WWOX: variants seen among roughly 807,000 people sequenced by gnomAD.
WWOX encodes the protein WW domain containing oxidoreductase.
A neutral mutation model predicts 46.2 loss-of-function variants in WWOX; 69 were observed. The ratio of observed to expected loss-of-function variants is 1.49; its 90% confidence interval spans 1.23 to 1.82. The LOEUF (loss-of-function observed/expected upper bound fraction) is 1.82. WWOX is among the 40% of genes most tolerant of loss of function. The pLI, the probability that WWOX is intolerant of heterozygous loss-of-function variation, is 0.00. For synonymous variants in WWOX, 359 were observed against 202.6 expected, an observed-to-expected ratio of 1.77 and a Z score of -6.56; for missense variants, 919 against 542.6, an observed-to-expected ratio of 1.69 and a Z score of -6.89.
At chr16:78,696,810 C>G (rs1007414057) in intron 8 of WWOX, among the ~76,000 whole-genome samples, 1 of 151,838 alleles carries the variant, frequency 6.6e-6, no homozygotes, top group African/African-American at 2.4e-5. Flanking sequence ...TATGCCTCAC[C>G]CTTTTACCAC....
chr16:78,104,735 G>C (rs2032033177), intron 1 of WWOX, among the ~76,000 whole-genome samples: 1 of 151,942 alleles, frequency 6.6e-6, no homozygotes, highest in Non-Finnish European at 1.5e-5. Flanking sequence ...AGTCATTTAA[G>C]GTTATAATTA....
rs539781434 is a variant in WWOX at position 78,775,801 on chromosome 16, C to G, written c.1056+343049C>G. ...TAGCCAATGGAGCAGTGGCTTTTGG[C>G]CCACTACTTTCGACTGAATCTATGA... On this transcript the variant is annotated intron_variant, in intron 8 of 8. Coordinates refer to ENST00000566780, the MANE Select transcript of WWOX (RefSeq NM_016373.4). 3.3e-5 allele frequency among the ~76,000 whole-genome samples: 5 copies of G among 152,294 alleles called. No individual in the cohort carries two copies. The East Asian group carries it at 7.7e-4, about 24-fold the overall frequency.
At chr16:78,103,343 G>A (rs1419162568) in intron 1 of WWOX, among the ~76,000 whole-genome samples, 1 of 151,474 alleles carries the variant, frequency 6.6e-6, no homozygotes, top group Non-Finnish European at 1.5e-5. Flanking sequence ...GTGCCATGGT[G>A]ACTTGCTGCA....
At chr16:78,425,307 A>G (rs2083051491) in intron 7 of WWOX, among the ~76,000 whole-genome samples, 1 of 152,184 alleles carries the variant, frequency 6.6e-6, no homozygotes. Flanking sequence ...GATTTTGCTT[A>G]GAGATGGAAT....
Position 78,767,480 on chromosome 16 carries a change from GTC to G in WWOX, c.1056+334730_1056+334731del, listed in dbSNP as rs1251228332. On this transcript the variant is annotated intron_variant, in intron 8 of 8. Transcript: ENST00000566780. ...AATGTTTCTGTGTGAGTGTGTGTGT[GTC>G]TGTGTGTGTGTGTGTGTGTGTGTGT... 2.5e-3 allele frequency among the ~76,000 whole-genome samples: 212 copies of G among 85,302 alleles called. 1 individual carries two copies. Among genetic ancestry groups the G allele is most frequent in the African/African-American group, 9.7e-3 (202 of 20,924 alleles). The allele number at this position is 85,302 out of a possible 152,430, so 56.0% of individuals were successfully genotyped here. A position where few individuals can be genotyped will look rare whatever the true frequency, so the allele number is the denominator to read the frequency against.
chr16:79,143,343 G>A (rs1221637671), intron 8 of WWOX, among the ~76,000 whole-genome samples: 2 of 152,108 alleles, frequency 1.3e-5, no homozygotes, highest in African/African-American at 2.4e-5. Context: ...TAAATTATTT[G>A]TTCTATTAAA....
chr16:78,113,704 G>A lies in WWOX; in HGVS notation c.231-1272G>A, dbSNP rs145360862. 5.7e-3 allele frequency among the ~76,000 whole-genome samples: 870 copies of A among 152,312 alleles called. 11 individuals are homozygous for A. The highest frequency in any genetic ancestry group is 6.5e-3 in the Non-Finnish European group (444 of 68,026). ...ATAGCTGATTTCATGCTGCCAAGGT[G>A]AAGTGAGGAATTGGGAAGAGATAGT... On this transcript the variant is annotated intron_variant, in intron 3 of 8. Coordinates refer to ENST00000566780, the MANE Select transcript of WWOX (RefSeq NM_016373.4).
chr16:78,912,860 G>C (rs887101870), intron 8 of WWOX, among the ~76,000 whole-genome samples: 8 of 151,926 alleles, frequency 5.3e-5, no homozygotes, highest in Non-Finnish European at 8.8e-5. Context: ...TCATTGGTTA[G>C]ATGCCGTATC....
intron 8 of WWOX, among the ~76,000 whole-genome samples, chr16:78,724,424 G>A (rs1408142427): frequency 6.6e-6 from 1 of 151,958 alleles, no homozygotes; most frequent in Non-Finnish European, 1.5e-5. Flanking sequence ...AGAAGTTAAG[G>A]TAAATGGCTT....
chr16:78,503,130 G>C (rs1023798800), intron 8 of WWOX, among the ~76,000 whole-genome samples: 3 of 152,186 alleles, frequency 2.0e-5, no homozygotes, highest in African/African-American at 7.2e-5. Flanking sequence ...CAAGCGATGT[G>C]TGTCTGGATT....
chr16:79,140,687 C>T (rs1183608298), intron 8 of WWOX, among the ~76,000 whole-genome samples: 1 of 152,228 alleles, frequency 6.6e-6, no homozygotes, highest in African/African-American at 2.4e-5. Context: ...GGCCAGTTGG[C>T]TTCAGAAAAC....
At chr16:78,960,308 C>G (rs1025150876) in intron 8 of WWOX, among the ~76,000 whole-genome samples, 2 of 152,198 alleles carry the variant, frequency 1.3e-5, no homozygotes, top group East Asian at 3.9e-4. Flanking sequence ...TTCATATTTT[C>G]TAGCGTAACG....
At chr16:78,610,223 G>C (rs898081893) in intron 8 of WWOX, among the ~76,000 whole-genome samples, 4 of 152,124 alleles carry the variant, frequency 2.6e-5, no homozygotes, top group African/African-American at 9.7e-5. Flanking sequence ...TTGTGATAAA[G>C]ATCCCTTTTA....
intron 8 of WWOX, among the ~76,000 whole-genome samples, chr16:78,517,166 T>C (rs1196101526): frequency 6.6e-6 from 1 of 152,200 alleles, no homozygotes; most frequent in Non-Finnish European, 1.5e-5. Context: ...GTGCATTTTA[T>C]AGGAGTGTGA....
At chr16:78,471,877 T>C (rs537270485) in intron 8 of WWOX, among the ~76,000 whole-genome samples, 1 of 151,796 alleles carries the variant, frequency 6.6e-6, no homozygotes, top group African/African-American at 2.4e-5. Context: ...CAATTTGCAA[T>C]TTTTTTTTCT....
At chr16:78,390,186 A>C (rs745827182) in intron 6 of WWOX, among the ~76,000 whole-genome samples, 2 of 152,222 alleles carry the variant, frequency 1.3e-5, no homozygotes, top group African/African-American at 2.4e-5. Context: ...GAGATCTCAC[A>C]ATTCACTGCC....
At chr16:78,992,218 C>G (rs1470498973) in intron 8 of WWOX, among the ~76,000 whole-genome samples, 1 of 152,188 alleles carries the variant, frequency 6.6e-6, no homozygotes, top group Non-Finnish European at 1.5e-5. Context: ...TTCTTCTAGG[C>G]TTTGTGGACC....
At chr16:79,072,917 C>T (rs768923375) in intron 8 of WWOX, among the ~76,000 whole-genome samples, 1 of 152,136 alleles carries the variant, frequency 6.6e-6, no homozygotes, top group Non-Finnish European at 1.5e-5. Context: ...TTGCCACTTT[C>T]AGCTAAGTGG....
In WWOX at chr16:79,212,290, C is replaced by T; in HGVS notation, c.*494C>T. ...TTCATCCTGACCAAGACTGAGCCAGCTTAGCAACTGCTGGGGAGACAAATC... is the reference window on the plus strand; with the variant it reads ...TTCATCCTGACCAAGACTGAGCCAGTTTAGCAACTGCTGGGGAGACAAATC... On this transcript the variant is annotated 3_prime_UTR_variant, in exon 9 of 9. Transcript: ENST00000566780. 1 of 1,064,098 alleles carries T rather than the reference C, an allele frequency of 9.4e-7. No individual in the cohort carries two copies. Among genetic ancestry groups the T allele is most frequent in the Non-Finnish European group, 1.3e-6 (1 of 765,126 alleles). 65.9% of individuals were successfully genotyped at this position (1,064,098 alleles called of 1,614,324 possible).
Sources: gnomAD v4.1 joint callset for allele counts (sites outside exome capture counted in the v4.1 genomes callset) on GRCh38, gnomAD v4.1.1 for gene constraint, MANE v1.5 for transcripts, NCBI Gene and HGNC (gene_info 2026-07-23, HGNC 2026-07-21) for gene names.